TGIF1: variants seen among roughly 807,000 people sequenced by gnomAD.
The protein encoded by TGIF1 is TGFB induced factor homeobox 1.
In TGIF1, 4 loss-of-function variants were observed where a neutral mutation model predicts 19.3. The observed-to-expected ratio is 0.21, with a 90% CI of 0.10 to 0.47. TGIF1 has a LOEUF of 0.47. TGIF1 is among the 20% of genes least tolerant of loss of function. The pLI is 0.98. For missense variants in TGIF1, 275 were observed against 341.4 expected (o/e 0.81, Z 1.53); for synonymous variants, 122 against 129.3 (o/e 0.94, Z 0.38).
chr18:3,421,384 T>C (rs938575842), intron 2 of TGIF1, among the ~76,000 whole-genome samples: 1 of 144,960 alleles, frequency 6.9e-6, no homozygotes, highest in Non-Finnish European at 1.5e-5. Context: ...TATATATACA[T>C]TTATATATAT....
chr18:3,450,020 G>A (rs1027208641), upstream of TGIF1: 1 of 991,980 alleles, frequency 1.0e-6, no homozygotes, highest in Non-Finnish European at 1.2e-6. Context: ...CCGCCCCCGA[G>A]GGACGAGTGA....
At chr18:3,426,501 G>A (rs1425615851) in intron 2 of TGIF1, among the ~76,000 whole-genome samples, 1 of 152,112 alleles carries the variant, frequency 6.6e-6, no homozygotes, top group African/African-American at 2.4e-5. Context: ...TCAACCCATA[G>A]ACTGATAATG....
chr18:3,422,531 G>A lies in TGIF1; in HGVS notation c.-45+4316G>A, dbSNP rs1355006114. Among the ~76,000 whole-genome samples the A allele has an allele frequency of 2.6e-5, 4 of 151,674 alleles. No homozygotes were observed. In the East Asian group the frequency reaches 7.7e-4, roughly 29 times the overall value. ...TTAAAAAATAAAATGTAGCCAAAGT[G>A]TATATCATTTATAAAGTCTACAATA... On this transcript the variant is annotated intron_variant, in intron 2 of 3. Coordinates refer to the TGIF1 transcript ENST00000401449.
rs144024023 is a variant in TGIF1, at chr18:3,428,133, A to G, written c.-45+9918A>G. ...TGCTAGCCCTTCACAAATCAAGGCC[A>G]TGGCAAGCTCTCTCCACTGCCACAC... On this transcript the variant is annotated intron_variant, in intron 2 of 3. Coordinates refer to the TGIF1 transcript ENST00000401449. Among the ~76,000 whole-genome samples the G allele has an allele frequency of 2.2e-3, 340 of 152,354 alleles. 2 individuals are homozygous for G. Among genetic ancestry groups the G allele is most frequent in the African/African-American group, 8.0e-3 (332 of 41,588 alleles).
In TGIF1 at chr18:3,457,190, C is replaced by A; in HGVS notation, c.244-175C>A. 1.3e-6 allele frequency: 1 copy of A among 754,958 alleles called. No individual in the cohort carries two copies. The highest frequency in any genetic ancestry group is 2.2e-6 in the Non-Finnish European group (1 of 459,346). 46.8% of individuals were successfully genotyped at this position (754,958 alleles called of 1,614,324 possible). A position where few individuals can be genotyped will look rare whatever the true frequency, so the allele number is the denominator to read the frequency against. On this transcript the variant is annotated intron_variant, in intron 2 of 2. Coordinates refer to ENST00000343820, the MANE Select transcript of TGIF1 (RefSeq NM_003244.4). The surrounding 1 kb of genome is among the most constrained non-coding windows in gnomAD (Gnocchi z 4.9). ...CTAGAAGGCTTATGACAGGTGGTAGCTTGCTTTCTTGGCGGAGCTCAGATA... is the reference window on the plus strand; with the variant it reads ...CTAGAAGGCTTATGACAGGTGGTAGATTGCTTTCTTGGCGGAGCTCAGATA...
Position 3,456,827 on chromosome 18 carries a change from T to C in TGIF1, c.243+247T>C, listed in dbSNP as rs887302313. On this transcript the variant is annotated intron_variant, in intron 2 of 2. Transcript: ENST00000343820. This position sits in a 1 kb window ranked among gnomAD's most constrained non-coding sequence, Gnocchi z 4.2. ...AGAACCTTCCTTTATGCAACAGACA[T>C]TAAAAGGAGGTTAAACCTTACTCTA... is the stretch of plus-strand genomic sequence containing the variant. The C allele has an allele frequency of 4.8e-6, 3 of 627,232 alleles. No homozygotes were observed. The highest frequency in any genetic ancestry group is 1.8e-5 in the African/African-American group (1 of 54,486). The allele number at this position is 627,232 out of a possible 1,614,324, so 38.9% of individuals were successfully genotyped here. A position where few individuals can be genotyped will look rare whatever the true frequency, so the allele number is the denominator to read the frequency against.
upstream of TGIF1, among the ~76,000 whole-genome samples, chr18:3,445,765 C>CAAAA (rs755240649): frequency 7.0e-3 from 249 of 35,776 alleles, no homozygotes; most frequent in Middle Eastern, 0.028. Context: ...AGAAGAAAAG[C>CAAAA]AAAAAAAAAA....
rs1363266905 is a variant in TGIF1 at position 3,452,324 on chromosome 18, C to T, written c.16+1819C>T. 5 of 1,613,078 alleles carry T rather than the reference C, an allele frequency of 3.1e-6. No homozygotes were observed. In the Admixed American group the frequency reaches 8.3e-5, roughly 27 times the overall value. Reference sequence around the variant, plus strand: ...CGCATCGGTGGGAACTTCCGCGGTCCCCATCCCAGGGCGCACAGGGTCCAG... The same window carrying T: ...CGCATCGGTGGGAACTTCCGCGGTCTCCATCCCAGGGCGCACAGGGTCCAG... On this transcript the variant is annotated intron_variant, in intron 1 of 2. Transcript: ENST00000343820.
chr18:3,415,345 C>T (rs7234809), intron 1 of TGIF1: 9,931 of 366,560 alleles, frequency 0.027, 871 homozygotes, highest in African/African-American at 0.19. Context: ...TCTTATGATG[C>T]GCAAAAGCCT....
intron 2 of TGIF1, among the ~76,000 whole-genome samples, chr18:3,426,589 G>A (rs8082964): frequency 0.13 from 19,235 of 152,112 alleles, 1,661 homozygotes; most frequent in African/African-American, 0.25. Flanking sequence ...TTCCATATTT[G>A]TATTTTGTTT....
intron 2 of TGIF1, among the ~76,000 whole-genome samples, chr18:3,433,075 T>TC (rs2082570652): frequency 6.9e-6 from 1 of 145,768 alleles, no homozygotes. Flanking sequence ...TTCTTCTTCT[T>TC]TTTTTTTTTT....
intron 1 of TGIF1, chr18:3,415,480 G>A (rs1359824873): frequency 2.1e-6 from 1 of 482,936 alleles, no homozygotes; most frequent in African/African-American, 2.0e-5. Context: ...AACGGAAGGA[G>A]CAAGTCATGA....
At chr18:3,417,253 A>C (rs965161891) in intron 1 of TGIF1, among the ~76,000 whole-genome samples, 9 of 152,192 alleles carry the variant, frequency 5.9e-5, no homozygotes, top group Admixed American at 2.0e-4. Context: ...TCCACTTCCC[A>C]GGTTCAAGCT....
At chr18:3,433,283 A>G (rs942668754) in intron 2 of TGIF1, among the ~76,000 whole-genome samples, 2 of 152,086 alleles carry the variant, frequency 1.3e-5, no homozygotes, top group South Asian at 2.1e-4. Flanking sequence ...CATGTTGGCC[A>G]GGCTGGTCTC....
upstream of TGIF1, chr18:3,448,059 C>T (rs1445834085): frequency 1.0e-6 from 1 of 978,290 alleles, no homozygotes; most frequent in East Asian, 1.2e-4. Context: ...TTGTCTCGAG[C>T]TGGCTAAAGC....
chr18:3,452,420 G>A, intron 1 of TGIF1: 8 of 1,612,770 alleles, frequency 5.0e-6, no homozygotes, highest in African/African-American at 1.3e-5. Context: ...ACTGGTTCAG[G>A]GCTCTTTGGG....
At chr18:3,423,417 C>A (rs767961565) in intron 2 of TGIF1, among the ~76,000 whole-genome samples, 5 of 152,072 alleles carry the variant, frequency 3.3e-5, no homozygotes, top group East Asian at 1.9e-4. Context: ...CAGTGGCTCA[C>A]GCTTGTAATC....
intron 1 of TGIF1, among the ~76,000 whole-genome samples, chr18:3,453,347 T>TA (rs770673352): frequency 8.5e-5 from 13 of 152,204 alleles, no homozygotes; most frequent in Middle Eastern, 3.4e-3. Context: ...TCACAACCGG[T>TA]GTCTCCCTGC....
intron 1 of TGIF1, chr18:3,452,530 G>A: frequency 8.0e-7 from 1 of 1,244,920 alleles, no homozygotes. Flanking sequence ...TGGGATTCAC[G>A]GCCTCATTTC....
Sources: gnomAD v4.1 joint callset for allele counts (sites outside exome capture counted in the v4.1 genomes callset) on GRCh38, gnomAD v4.1.1 for gene constraint, Gnocchi (gnomAD v3.1) non-coding constraint, MANE v1.5 for transcripts, NCBI Gene and HGNC (gene_info 2026-07-23, HGNC 2026-07-21) for gene names.